GRK7: variants seen among roughly 807,000 people sequenced by gnomAD.
GRK7 encodes rhodopsin kinase GRK7.
A neutral mutation model predicts 34.1 loss-of-function variants in GRK7; 24 were observed. The observed-to-expected ratio is 0.70, with a 90% CI of 0.51 to 0.99. The LOEUF is 0.99. Among genes scored for constraint, GRK7 ranks in the 50% least tolerant of loss-of-function variants. The pLI, the probability that GRK7 is intolerant of heterozygous loss-of-function variation, is 0.00. For synonymous variants in GRK7, 256 were observed against 279.4 expected (o/e 0.92, Z 0.84); for missense variants, 644 against 707.3 (o/e 0.91, Z 1.02).
intron 4 of GRK7, among the ~76,000 whole-genome samples, chr3:141,796,416 A>G (rs1308931148): frequency 6.6e-6 from 1 of 152,176 alleles, no homozygotes. Flanking sequence ...GCACTCAAGA[A>G]ATGATTGTAC....
intron 2 of GRK7, among the ~76,000 whole-genome samples, chr3:141,776,169 C>A (rs2107875208): frequency 6.6e-6 from 1 of 152,152 alleles, no homozygotes; most frequent in African/African-American, 2.4e-5. Context: ...CACCTGTAGT[C>A]CTAGCTACTT....
rs550296305 is a variant in GRK7 at position 141,778,863 on chromosome 3, G to C, written c.579G>C (p.Glu193Asp). The C allele has an allele frequency of 1.1e-5, 18 of 1,612,200 alleles. No homozygotes were observed. The South Asian group carries it at 1.9e-4, about 17-fold the overall frequency. ...CAGTGTCAGACAAGTACTTCACTGA[G>C]TTCAGAGTGCTGGGGAAAGGTGGTT... ...MQPVSDKYFT[E>D]FRVLGKGGFG... is the part of the protein sequence containing the mutation. Residue 193 changes from glutamate to aspartate, a missense_variant, in exon 3 of 6, where the codon GAG becomes GAC. By Grantham distance (45) the Glu-to-Asp change is conservative (BLOSUM62 2). Coordinates refer to ENST00000682958, the MANE Select transcript of GRK7 (RefSeq NM_139209.3). This position sits in a 1 kb window ranked among gnomAD's most constrained non-coding sequence, Gnocchi z 4.1.
intron 2 of GRK7, among the ~76,000 whole-genome samples, chr3:141,776,298 T>G (rs1559839550): frequency 3.3e-5 from 5 of 150,262 alleles, no homozygotes; most frequent in Admixed American, 2.7e-4. Flanking sequence ...AAATAAAAAT[T>G]AAAAAAAATA....
At chr3:141,774,356 A>T (rs1444177852) in intron 1 of GRK7, among the ~76,000 whole-genome samples, 1 of 152,134 alleles carries the variant, frequency 6.6e-6, no homozygotes, top group African/African-American at 2.4e-5. Context: ...CAGGAGGTTG[A>T]GGCTGCAGTG....
the GRK7 span, among the ~76,000 whole-genome samples, chr3:141,753,332 G>A: frequency 2.0e-5 from 3 of 152,298 alleles, no homozygotes; most frequent in South Asian, 6.2e-4. Flanking sequence ...CCATTTCGTG[G>A]TGTTCTATAC....
chr3:141,775,782 A>C (rs1298988368), intron 2 of GRK7, among the ~76,000 whole-genome samples: 1 of 150,612 alleles, frequency 6.6e-6, no homozygotes, highest in African/African-American at 2.5e-5. Flanking sequence ...ATTAAAGTTA[A>C]TTTCGCCTGT....
At chr3:141,770,493 C>G (rs1359124953) in intron 1 of GRK7, among the ~76,000 whole-genome samples, 2 of 151,864 alleles carry the variant, frequency 1.3e-5, no homozygotes, top group African/African-American at 4.8e-5. Flanking sequence ...AAAAGTGGGG[C>G]CAGCTGTTGC....
At chr3:141,814,446 A>G (rs1296063686) in intron 5 of GRK7, among the ~76,000 whole-genome samples, 1 of 152,094 alleles carries the variant, frequency 6.6e-6, no homozygotes, top group African/African-American at 2.4e-5. Flanking sequence ...CCCAATGTTT[A>G]GCTCCCACTT....
chr3:141,772,646 T>A (rs969356832), intron 1 of GRK7, among the ~76,000 whole-genome samples: 15 of 152,184 alleles, frequency 9.9e-5, no homozygotes, highest in Admixed American at 2.6e-4. Flanking sequence ...GAGAAAACTT[T>A]AAAATTGAGA....
chr3:141,780,555 G>T lies in GRK7; in HGVS notation c.794G>T (p.Cys265Phe). Residue 265 changes from cysteine to phenylalanine, a missense_variant, in exon 4 of 6, where the codon TGC (cysteine) becomes TTC (phenylalanine). Cys to Phe is a radical substitution (Grantham distance 205, BLOSUM62 -2). Coordinates refer to ENST00000682958, the MANE Select transcript of GRK7 (RefSeq NM_139209.3). ...AYAFESKTHL[C>F]LVMSLMNGGD... ...GCCTTTGAGAGCAAGACCCATCTCT[G>T]CCTTGTCATGAGCCTGATGAATGGG... 1 of 1,614,232 alleles carries T rather than the reference G, an allele frequency of 6.2e-7. No homozygotes were observed. The highest frequency in any genetic ancestry group is 8.5e-7 in the Non-Finnish European group (1 of 1,180,038).
At chr3:141,751,171 C>T in the GRK7 span, among the ~76,000 whole-genome samples, 1 of 152,186 alleles carries the variant, frequency 6.6e-6, no homozygotes. Flanking sequence ...AAGGAGATGC[C>T]TACCAACTAT....
At chr3:141,762,898 G>T (rs958590922), upstream of GRK7, among the ~76,000 whole-genome samples, 1 of 151,802 alleles carries the variant, frequency 6.6e-6, no homozygotes, top group Non-Finnish European at 1.5e-5. Flanking sequence ...TTCCAGGTGC[G>T]TCCGTCACTC....
intron 4 of GRK7, among the ~76,000 whole-genome samples, chr3:141,807,438 G>A (rs1248984492): frequency 2.0e-5 from 3 of 152,104 alleles, no homozygotes; most frequent in South Asian, 2.1e-4. Context: ...AAAACGGGTC[G>A]CATGGCCTCC....
chr3:141,750,842 T>A, the GRK7 span, among the ~76,000 whole-genome samples: 2 of 149,584 alleles, frequency 1.3e-5, no homozygotes, highest in South Asian at 4.2e-4. Flanking sequence ...CCCAAAGAAG[T>A]GTGTGTGTAC....
intron 2 of GRK7, among the ~76,000 whole-genome samples, chr3:141,774,928 G>A (rs148735381): frequency 0.011 from 1,725 of 151,992 alleles, 35 homozygotes; most frequent in East Asian, 0.085. Context: ...AAGTAGCTGG[G>A]GCTACAGGAG....
At chr3:141,802,366 T>TCACACACACACACACA (rs113029036) in intron 4 of GRK7, among the ~76,000 whole-genome samples, 2,532 of 145,616 alleles carry the variant, frequency 0.017, 40 homozygotes, top group East Asian at 0.026. Context: ...TCTTTCTCTG[T>TCACACACACACACACA]CACACACACA....
chr3:141,788,363 A>G (rs984365198), intron 4 of GRK7, among the ~76,000 whole-genome samples: 5 of 152,052 alleles, frequency 3.3e-5, no homozygotes, highest in Non-Finnish European at 7.4e-5. Context: ...ACCCACCAAG[A>G]GCTACTGTAA....
intron 5 of GRK7, among the ~76,000 whole-genome samples, chr3:141,815,203 G>T (rs1047630979): frequency 1.3e-5 from 2 of 151,246 alleles, no homozygotes; most frequent in African/African-American, 4.9e-5. Flanking sequence ...AGGATTACAG[G>T]CATGAGCCAC....
rs150087610 is a variant in GRK7, at chr3:141,802,454, C to CTGA, written c.1051-5189_1051-5187dup. On this transcript the variant is annotated intron_variant, in intron 4 of 5. Coordinates refer to ENST00000682958, the MANE Select transcript of GRK7 (RefSeq NM_139209.3). Reference sequence around the variant, plus strand: ...ATTGGTTTCTGGATTGAGGGGCCAGCTGATAGCCATGATAGCCATGATAGC... The same window carrying CTGA: ...ATTGGTTTCTGGATTGAGGGGCCAGCTGATGATAGCCATGATAGCCATGATAGC... Among the ~76,000 whole-genome samples, 572 of 151,940 alleles carry CTGA rather than the reference C, an allele frequency of 3.8e-3. 1 individual carries two copies. The highest frequency in any genetic ancestry group is 0.013 in the African/African-American group (550 of 41,426).
Sources: allele counts gnomAD v4.1 joint callset (sites outside exome capture counted in the v4.1 genomes callset), GRCh38; gene constraint gnomAD v4.1.1; non-coding constraint Gnocchi (gnomAD v3.1); transcripts MANE v1.5; gene names NCBI Gene and HGNC (gene_info 2026-07-23, HGNC 2026-07-21).